The following HSBP1 variants were observed in gnomAD, a reference collection of about 807,000 sequenced individuals.
HSBP1 encodes the protein heat shock factor-binding protein 1.
In HSBP1, 5 loss-of-function variants were observed where a neutral mutation model predicts 9.6. That is an observed-to-expected ratio of 0.52 (90% CI 0.27 to 1.09). The LOEUF (loss-of-function observed/expected upper bound fraction) is 1.09, where lower values mean the gene tolerates loss of function less well. HSBP1 is among the 50% of genes least tolerant of loss of function. The probability of loss-of-function intolerance (pLI) is 0.11; values close to 1 mark genes in which losing one functional copy is unlikely to be tolerated. For missense variants in HSBP1, 121 were observed against 96.3 expected, an observed-to-expected ratio of 1.26 and a Z score of -1.07; for synonymous variants, 42 against 33.3, an observed-to-expected ratio of 1.26 and a Z score of -0.90.
chr16:83,809,512 A>G, intron 3 of HSBP1, 87 bp downstream of exon 3: 1 of 668,924 alleles, frequency 1.5e-6, no homozygotes, highest in East Asian at 3.0e-5. Flanking sequence ...CTTGTTGCCC[A>G]GGCTGGAGTG....
In HSBP1 at chr16:83,808,090, A is replaced by T. The variant is rs1392650696; in HGVS notation, c.14A>T (p.Asp5Val). 7.1e-6 allele frequency: 11 copies of T among 1,545,236 alleles called. No homozygotes were observed. Among genetic ancestry groups the T allele is most frequent in the Non-Finnish European group, 8.7e-6 (10 of 1,144,040 alleles). The change falls in exon 1 of 4, where the codon GAC becomes GTC. Residue 5 changes from aspartate (D) to valine (V), a missense_variant. Transcript: ENST00000433866. MAET[D>V]PKTVQDLTSV... ...GGCATCGGGGAGATGGCCGAGACTG[A>T]CCCCAAGACCGTGCAGGACCTCACC...
rs1904603631 is a variant in HSBP1, at chr16:83,811,641, A to G, written c.*223A>G. 1 of 152,234 alleles carries G rather than the reference A, an allele frequency of 6.6e-6. No homozygotes were observed. The highest frequency in any genetic ancestry group is 2.4e-5 in the African/African-American group (1 of 41,448). 9.4% of individuals were successfully genotyped at this position (152,234 alleles called of 1,614,324 possible). A position where few individuals can be genotyped will look rare whatever the true frequency, so the allele number is the denominator to read the frequency against. ...GGTCAGTTGTGCTATTCATTATTAA[A>G]CACTAAAACTTTGGCGGTTCTTGCA... On this transcript the variant is annotated 3_prime_UTR_variant, in exon 4 of 4. Transcript: ENST00000433866.
chr16:83,815,611 G>A lies in HSBP1; in HGVS notation c.*4193G>A, dbSNP rs1164880514. The A allele has an allele frequency of 6.6e-6, 1 of 152,038 alleles. No homozygotes were observed. Among genetic ancestry groups the A allele is most frequent in the Non-Finnish European group, 1.5e-5 (1 of 68,020 alleles). 9.4% of individuals were successfully genotyped at this position (152,038 alleles called of 1,614,324 possible). On this transcript the variant is annotated 3_prime_UTR_variant, in exon 4 of 4. Coordinates refer to ENST00000433866, the MANE Select transcript of HSBP1 (RefSeq NM_001537.4). ...CTCCTCAGACCGCTGCCTAGGGTTC[G>A]AGTGATCCTGAAAGCTGTACAACAT...
At position 83,819,597 on chromosome 16, in the gene HSBP1, G is replaced by A. The variant is rs1045576367; in HGVS notation, c.*8179G>A. 8.5e-5 allele frequency: 13 copies of A among 152,070 alleles called. No homozygotes were observed. Among genetic ancestry groups the A allele is most frequent in the Admixed American group, 8.5e-4 (13 of 15,272 alleles). 9.4% of individuals were successfully genotyped at this position (152,070 alleles called of 1,614,324 possible). ...AGTAAAAAATCATTTCAACTCTTAA[G>A]CCACAAAAGGATATCCAATCATTTA... On this transcript the variant is annotated 3_prime_UTR_variant, in exon 4 of 4. Coordinates refer to ENST00000433866, the MANE Select transcript of HSBP1 (RefSeq NM_001537.4).
intron 3 of HSBP1, 131 bp downstream of exon 3, chr16:83,809,556 C>A: frequency 1.8e-6 from 1 of 560,012 alleles, no homozygotes; most frequent in Non-Finnish European, 3.1e-6. Context: ...GCAACCTTTG[C>A]CCTCCTGGGT....
chr16:83,809,442 T>A lies in HSBP1; in HGVS notation c.*2+17T>A. ...GAGTTGAAGGTGAGGAAGGGGGCAA[T>A]TTTTTTTTTCTTTTCTTTTCTTTTT... On this transcript the variant is annotated intron_variant, in intron 3 of 3. Transcript: ENST00000433866. 8.8e-7 allele frequency: 1 copy of A among 1,142,752 alleles called. No homozygotes were observed. The highest frequency in any genetic ancestry group is 1.2e-6 in the Non-Finnish European group (1 of 812,014). The allele number at this position is 1,142,752 out of a possible 1,614,324, so 70.8% of individuals were successfully genotyped here.
rs902693763 is a variant in HSBP1, at chr16:83,819,612, C to A, written c.*8194C>A. ...CAACTCTTAAGCCACAAAAGGATAT[C>A]CAATCATTTAAAGCTTCCTGAGTGT... On this transcript the variant is annotated 3_prime_UTR_variant, in exon 4 of 4. Coordinates refer to ENST00000433866, the MANE Select transcript of HSBP1 (RefSeq NM_001537.4). 1 of 152,090 alleles carries A rather than the reference C, an allele frequency of 6.6e-6. No individual in the cohort carries two copies. The highest frequency in any genetic ancestry group is 2.4e-5 in the African/African-American group (1 of 41,426). 9.4% of individuals were successfully genotyped at this position (152,090 alleles called of 1,614,324 possible).
chr16:83,819,090 C>G lies in HSBP1; in HGVS notation c.*7672C>G, dbSNP rs542356757. 3.3e-5 allele frequency: 5 copies of G among 152,056 alleles called. No individual in the cohort carries two copies. The highest frequency in any genetic ancestry group is 7.4e-5 in the Non-Finnish European group (5 of 67,992). 9.4% of individuals were successfully genotyped at this position (152,056 alleles called of 1,614,324 possible). A position where few individuals can be genotyped will look rare whatever the true frequency, so the allele number is the denominator to read the frequency against. ...GAGAGCCAGGGCCTTCGGGCATCAACCTTGGGGCGAGGGTGTTGGGTTGCC... is the reference window on the plus strand; with the variant it reads ...GAGAGCCAGGGCCTTCGGGCATCAAGCTTGGGGCGAGGGTGTTGGGTTGCC... On this transcript the variant is annotated 3_prime_UTR_variant, in exon 4 of 4. Transcript: ENST00000433866.
Position 83,819,362 on chromosome 16 carries a change from G to T in HSBP1, c.*7944G>T, listed in dbSNP as rs1163556319. On this transcript the variant is annotated 3_prime_UTR_variant, in exon 4 of 4. Coordinates refer to ENST00000433866, the MANE Select transcript of HSBP1 (RefSeq NM_001537.4). ...TGTGGGCGATGCTCCCATGCTGGGA[G>T]TCTCAGGCCTGGGCTAGTCCTAAAA... 1 of 152,188 alleles carries T rather than the reference G, an allele frequency of 6.6e-6. No individual in the cohort carries two copies. The highest frequency in any genetic ancestry group is 1.5e-5 in the Non-Finnish European group (1 of 68,036). The allele number at this position is 152,188 out of a possible 1,614,324, so 9.4% of individuals were successfully genotyped here. A position where few individuals can be genotyped will look rare whatever the true frequency, so the allele number is the denominator to read the frequency against.
intron 2 of HSBP1, 26 bp from the exon 3 acceptor site, chr16:83,809,279 G>A: frequency 1.4e-6 from 2 of 1,386,148 alleles, no homozygotes; most frequent in Non-Finnish European, 2.0e-6. Context: ...TGAGATGTTG[G>A]CACGCGTTGT....
rs1904704359 is a variant in HSBP1 at position 83,815,696 on chromosome 16, A to T, written c.*4278A>T. The T allele has an allele frequency of 6.6e-6, 1 of 152,108 alleles. No individual in the cohort carries two copies. The highest frequency in any genetic ancestry group is 2.4e-5 in the African/African-American group (1 of 41,396). The allele number at this position is 152,108 out of a possible 1,614,324, so 9.4% of individuals were successfully genotyped here. ...TAATATGTGGCTGTCTCATCAACAG[A>T]GCTTCATTTTACCAAAGCATATGTA... is the stretch of plus-strand genomic sequence containing the variant. On this transcript the variant is annotated 3_prime_UTR_variant, in exon 4 of 4. Transcript: ENST00000433866.
rs1904620228 is a variant in HSBP1, at chr16:83,812,366, C to G, written c.*948C>G. ...CTATTTTACTTAAACTGTTTCTTAT[C>G]TAAATTCTTGCAGAGTGTCAATGTT... is the stretch of plus-strand genomic sequence containing the variant. On this transcript the variant is annotated 3_prime_UTR_variant, in exon 4 of 4. Transcript: ENST00000433866. The G allele has an allele frequency of 6.6e-6, 1 of 152,142 alleles. No individual in the cohort carries two copies. The highest frequency in any genetic ancestry group is 2.4e-5 in the African/African-American group (1 of 41,436). The allele number at this position is 152,142 out of a possible 1,614,324, so 9.4% of individuals were successfully genotyped here.
chr16:83,810,987 C>T (rs552557262), intron 3 of HSBP1, among the ~76,000 whole-genome samples: 1 of 152,296 alleles, frequency 6.6e-6, no homozygotes, highest in East Asian at 1.9e-4. Flanking sequence ...CTTTTATCTT[C>T]ACAGTAGGTG....
rs1904766425 is a variant in HSBP1 at position 83,818,341 on chromosome 16, T to G, written c.*6923T>G. 6.6e-6 allele frequency: 1 copy of G among 152,122 alleles called. No individual in the cohort carries two copies. The highest frequency in any genetic ancestry group is 2.4e-5 in the African/African-American group (1 of 41,416). The allele number at this position is 152,122 out of a possible 1,614,324, so 9.4% of individuals were successfully genotyped here. A position where few individuals can be genotyped will look rare whatever the true frequency, so the allele number is the denominator to read the frequency against. ...GATGAAAAACAGACCCCATAGAAAC[T>G]CTCTGGCACAAAAACTCTGGAATCA... On this transcript the variant is annotated 3_prime_UTR_variant, in exon 4 of 4. Transcript: ENST00000433866.
In HSBP1 at chr16:83,818,178, G is replaced by C. The variant is rs1157916174; in HGVS notation, c.*6760G>C. The C allele has an allele frequency of 6.6e-6, 1 of 152,184 alleles. No individual in the cohort carries two copies. The highest frequency in any genetic ancestry group is 2.4e-5 in the African/African-American group (1 of 41,434). The allele number at this position is 152,184 out of a possible 1,614,324, so 9.4% of individuals were successfully genotyped here. A position where few individuals can be genotyped will look rare whatever the true frequency, so the allele number is the denominator to read the frequency against. On this transcript the variant is annotated 3_prime_UTR_variant, in exon 4 of 4. Coordinates refer to ENST00000433866, the MANE Select transcript of HSBP1 (RefSeq NM_001537.4). Reference sequence around the variant, plus strand: ...TCCTATCAGAATCCTTGTCTGGAAGGTTGATTATATCAGATGCGCATTTTG... The same window carrying C: ...TCCTATCAGAATCCTTGTCTGGAAGCTTGATTATATCAGATGCGCATTTTG...
At position 83,809,319 on chromosome 16, in the gene HSBP1, A is replaced by G. The variant is rs1255150360; in HGVS notation, c.127A>G (p.Ser43Gly). 15 of 1,591,498 alleles carry G rather than the reference A, an allele frequency of 9.4e-6. No homozygotes were observed. The highest frequency in any genetic ancestry group is 1.2e-5 in the Non-Finnish European group (14 of 1,166,942). The change falls in exon 3 of 4, where the codon AGT becomes GGT. Residue 43 changes from serine to glycine, a missense_variant. By Grantham distance (56) the Ser-to-Gly change is moderately conservative. Transcript: ENST00000433866. ...QIIGRIDDMS[S>G]RIDDLEKNIA... Reference sequence around the variant, plus strand: ...AACTTCAGCACTTGATGATATGAGTAGTCGCATTGATGATCTGGAAAAGAA... The same window carrying G: ...AACTTCAGCACTTGATGATATGAGTGGTCGCATTGATGATCTGGAAAAGAA...
chr16:83,814,772 C>A lies in HSBP1; in HGVS notation c.*3354C>A, dbSNP rs1185941752. The A allele has an allele frequency of 6.6e-6, 1 of 152,200 alleles. No homozygotes were observed. The highest frequency in any genetic ancestry group is 2.4e-5 in the African/African-American group (1 of 41,448). 9.4% of individuals were successfully genotyped at this position (152,200 alleles called of 1,614,324 possible). A position where few individuals can be genotyped will look rare whatever the true frequency, so the allele number is the denominator to read the frequency against. On this transcript the variant is annotated 3_prime_UTR_variant, in exon 4 of 4. Transcript: ENST00000433866. ...GAAAATGTGTGCTCCTGGATCAGTG[C>A]CTTTTTTCTCCTAAATCAGTTGAGA...
chr16:83,812,158 G>C lies in HSBP1; in HGVS notation c.*740G>C, dbSNP rs931821321. 6.6e-6 allele frequency: 1 copy of C among 152,578 alleles called. No individual in the cohort carries two copies. Among genetic ancestry groups the C allele is most frequent in the Non-Finnish European group, 1.5e-5 (1 of 68,024 alleles). The allele number at this position is 152,578 out of a possible 1,614,324, so 9.5% of individuals were successfully genotyped here. ...AATACTTCAGTAGGACCCTACCTACGTGGTTCATCTACAATGGTTACCATA... is the reference window on the plus strand; with the variant it reads ...AATACTTCAGTAGGACCCTACCTACCTGGTTCATCTACAATGGTTACCATA... On this transcript the variant is annotated 3_prime_UTR_variant, in exon 4 of 4. Coordinates refer to ENST00000433866, the MANE Select transcript of HSBP1 (RefSeq NM_001537.4).
At position 83,817,788 on chromosome 16, in the gene HSBP1, C is replaced by G. The variant is rs1411347216; in HGVS notation, c.*6370C>G. 6.6e-6 allele frequency: 1 copy of G among 152,180 alleles called. No homozygotes were observed. Among genetic ancestry groups the G allele is most frequent in the Admixed American group, 6.5e-5 (1 of 15,290 alleles). 9.4% of individuals were successfully genotyped at this position (152,180 alleles called of 1,614,324 possible). ...AATATGGCTGTTTCTTTTAACAGTG[C>G]ATTCTCCTGAAAACATAAGACCATT... On this transcript the variant is annotated 3_prime_UTR_variant, in exon 4 of 4. Transcript: ENST00000433866.
Sources: allele counts gnomAD v4.1 joint callset (sites outside exome capture counted in the v4.1 genomes callset), GRCh38; gene constraint gnomAD v4.1.1; transcripts MANE v1.5; gene names NCBI Gene and HGNC (gene_info 2026-07-23, HGNC 2026-07-21).